ITGA4: variants seen among roughly 807,000 people sequenced by gnomAD.
The protein encoded by ITGA4 is integrin subunit alpha 4, also known as integrin alpha-4.
Under a neutral mutation model 133.6 loss-of-function variants are expected in ITGA4, and 63 were observed. The ratio of observed to expected loss-of-function variants is 0.47; its 90% confidence interval spans 0.38 to 0.58. ITGA4 has a LOEUF of 0.58. Among genes scored for constraint, ITGA4 ranks in the 20% least tolerant of loss-of-function variants. The pLI is 0.00. For missense variants in ITGA4, 1,076 were observed against 1,252.7 expected (o/e 0.86, Z 2.13); for synonymous variants, 483 against 438.0 (o/e 1.10, Z -1.28).
intron 21 of ITGA4, among the ~76,000 whole-genome samples, chr2:181,526,886 C>T (rs916297174): frequency 1.6e-5 from 2 of 122,256 alleles, no homozygotes; most frequent in Non-Finnish European, 3.2e-5. Context: ...TGCTGGAGGG[C>T]AGCGGTGTGA....
Position 181,495,374 on chromosome 2 carries a change from T to C in ITGA4, c.1343T>C (p.Val448Ala). 2 of 1,609,136 alleles carry C rather than the reference T, an allele frequency of 1.2e-6. No individual in the cohort carries two copies. The highest frequency in any genetic ancestry group is 1.7e-6 in the Non-Finnish European group (2 of 1,175,564). The change falls in exon 13 of 28, where the codon GTA becomes GCA. Residue 448 changes from valine (V) to alanine (A), a missense_variant. Val to Ala is a moderately conservative substitution (Grantham distance 64). Coordinates refer to ENST00000397033, the MANE Select transcript of ITGA4 (RefSeq NM_000885.6). This position sits in a 1 kb window ranked among gnomAD's most constrained non-coding sequence, Gnocchi z 4.3. ...IDADNNGYVD[V>A]AVGAFRSDSA... ...TGTGTTGTTTTTTATCCTCCAGATG[T>C]AGCAGTTGGTGCTTTTCGGTCTGAT...
intron 4 of ITGA4, among the ~76,000 whole-genome samples, chr2:181,476,452 T>C (rs1044280310): frequency 6.6e-6 from 1 of 152,162 alleles, no homozygotes; most frequent in Non-Finnish European, 1.5e-5. Flanking sequence ...ACCAATTTAT[T>C]GAAGTTTTCT....
At chr2:181,514,279 A>G (rs1393287943) in intron 17 of ITGA4, among the ~76,000 whole-genome samples, 1 of 152,104 alleles carries the variant, frequency 6.6e-6, no homozygotes, top group East Asian at 1.9e-4. Context: ...GATTAAGGAC[A>G]GGGAGTCAAC....
chr2:181,461,823 C>T (rs1189579542), intron 2 of ITGA4, among the ~76,000 whole-genome samples: 1 of 152,010 alleles, frequency 6.6e-6, no homozygotes, highest in African/African-American at 2.4e-5. Context: ...ATCCACTAAC[C>T]ACAGGTGGCT....
At chr2:181,458,910 A>C (rs772772185) in intron 2 of ITGA4, 1 of 152,354 alleles carries the variant, frequency 6.6e-6, no homozygotes, top group Non-Finnish European at 1.5e-5. Flanking sequence ...ATATGGGTCC[A>C]TCTTTTTGCA....
At chr2:181,483,521 G>A (rs1685850795) in intron 9 of ITGA4, among the ~76,000 whole-genome samples, 1 of 152,132 alleles carries the variant, frequency 6.6e-6, no homozygotes, top group African/African-American at 2.4e-5. Flanking sequence ...TGGTTTCAGA[G>A]CATTTAGCAA....
At chr2:181,483,253 G>A (rs1685844763) in intron 9 of ITGA4, among the ~76,000 whole-genome samples, 1 of 152,120 alleles carries the variant, frequency 6.6e-6, no homozygotes, top group Non-Finnish European at 1.5e-5. Context: ...AATTATTAGT[G>A]ATAATTTGTG....
chr2:181,530,546 T>A lies in ITGA4; in HGVS notation c.2561T>A (p.Phe854Tyr), dbSNP rs1453481812. Residue 854 changes from phenylalanine to tyrosine, a missense_variant, in exon 24 of 28, where the codon TTT (phenylalanine) becomes TAT (tyrosine). By Grantham distance (22) the Phe-to-Tyr change is conservative. This residue lies in a region of ITGA4 where 365 missense variants were observed against 421.4 expected (regional missense o/e 0.87). Transcript: ENST00000397033. The stretch of plus-strand genomic sequence containing the variant: ...TAGACTACTACTGGAGAATGCCACT[T>A]TGAAAATTATCAAAGAGTGTGTGCA... Reference protein sequence around the residue: ...DVQTTTGECHFENYQRVCALE... With the variant: ...DVQTTTGECHYENYQRVCALE... 6.2e-7 allele frequency: 1 copy of A among 1,613,122 alleles called. No individual in the cohort carries two copies. The highest frequency in any genetic ancestry group is 2.2e-5 in the East Asian group (1 of 44,802).
At position 181,537,329 on chromosome 2, in the gene ITGA4, A is replaced by ATGGTTGTCCAACACAG. The variant is rs762778734; in HGVS notation, c.*1803_*1818dup. 12 of 453,696 alleles carry ATGGTTGTCCAACACAG rather than the reference A, an allele frequency of 2.6e-5. No individual in the cohort carries two copies. Among genetic ancestry groups the ATGGTTGTCCAACACAG allele is most frequent in the Non-Finnish European group, 4.9e-5 (11 of 226,716 alleles). 28.1% of individuals were successfully genotyped at this position (453,696 alleles called of 1,614,324 possible). On this transcript the variant is annotated 3_prime_UTR_variant, in exon 28 of 28. Coordinates refer to ENST00000397033, the MANE Select transcript of ITGA4 (RefSeq NM_000885.6). Reference sequence around the variant, plus strand: ...CTGAGCACAGTGAAAGCAGAGTACTATGGTTGTCCAACACAGGCCTCTCAG... The same window carrying ATGGTTGTCCAACACAG: ...CTGAGCACAGTGAAAGCAGAGTACTATGGTTGTCCAACACAGTGGTTGTCCAACACAGGCCTCTCAG...
Position 181,537,302 on chromosome 2 carries a change from A to ATATATATT in ITGA4, c.*1776_*1777insATATATTT. 2.2e-6 allele frequency: 1 copy of ATATATATT among 453,778 alleles called. No individual in the cohort carries two copies. The highest frequency in any genetic ancestry group is 4.4e-6 in the Non-Finnish European group (1 of 226,594). 28.1% of individuals were successfully genotyped at this position (453,778 alleles called of 1,614,324 possible). A position where few individuals can be genotyped will look rare whatever the true frequency, so the allele number is the denominator to read the frequency against. On this transcript the variant is annotated 3_prime_UTR_variant, in exon 28 of 28. Transcript: ENST00000397033. ...CAGAAACAACTATATATTTCAGGTTATCTGAGCACAGTGAAAGCAGAGTAC... is the reference window on the plus strand; with the variant it reads ...CAGAAACAACTATATATTTCAGGTTATATATATTTCTGAGCACAGTGAAAGCAGAGTAC...
chr2:181,534,133 G>T, intron 25 of ITGA4, 139 bp from the exon 26 acceptor site: 1 of 588,472 alleles, frequency 1.7e-6, no homozygotes, highest in Middle Eastern at 4.6e-4. Context: ...ACCAAAGGAG[G>T]CACTGCAGTT....
intron 4 of ITGA4, among the ~76,000 whole-genome samples, chr2:181,477,993 T>C (rs938230545): frequency 1.2e-4 from 19 of 152,120 alleles, no homozygotes; most frequent in African/African-American, 4.3e-4. Flanking sequence ...GTGAGGTGTA[T>C]ATATACACAC....
intron 7 of ITGA4, 112 bp from the exon 8 acceptor site, chr2:181,482,248 T>A: frequency 9.4e-7 from 1 of 1,065,568 alleles, no homozygotes; most frequent in African/African-American, 1.6e-5. Context: ...ATTTTTATAT[T>A]TGAGCAATTA....
intron 5 of ITGA4, chr2:181,479,153 T>C (rs1685746220): frequency 5.8e-6 from 1 of 172,808 alleles, no homozygotes; most frequent in Non-Finnish European, 1.2e-5. Flanking sequence ...CCCAAGTATG[T>C]TATTTTAAAT....
At chr2:181,521,057 T>G (rs1055399616) in intron 17 of ITGA4, among the ~76,000 whole-genome samples, 124 of 146,800 alleles carry the variant, frequency 8.4e-4, no homozygotes, top group African/African-American at 3.3e-3. Flanking sequence ...ATTTAAACAT[T>G]ATTGAAGAAA....
intron 2 of ITGA4, among the ~76,000 whole-genome samples, chr2:181,471,370 C>A (rs1685546368): frequency 6.6e-6 from 1 of 152,042 alleles, no homozygotes; most frequent in Admixed American, 6.6e-5. Flanking sequence ...ATTTACTAAG[C>A]CTTGGAAATA....
chr2:181,535,056 C>T, intron 27 of ITGA4, 121 bp downstream of exon 27: 1 of 1,103,754 alleles, frequency 9.1e-7, no homozygotes, highest in Non-Finnish European at 1.2e-6. Context: ...TTTTATGTTG[C>T]TCAGTACTGA....
rs149385158 is a variant in ITGA4 at position 181,465,439 on chromosome 2, T to G, written c.319+7122T>G. Among the ~76,000 whole-genome samples the G allele has an allele frequency of 2.0e-4, 30 of 152,202 alleles. No individual in the cohort carries two copies. The East Asian group carries it at 5.6e-3, about 28-fold the overall frequency. ...TTTTTTTCTTTTTCTTTTTCAACCA[T>G]CCTACCCTGTGGATTCCAAAACCAA... is the stretch of plus-strand genomic sequence containing the variant. On this transcript the variant is annotated intron_variant, in intron 2 of 27. Transcript: ENST00000397033.
chr2:181,498,604 A>C lies in ITGA4; in HGVS notation c.1541-19A>C. ...TATTTCAGTAATTAGATTAATTGCA[A>C]TTCTCTATATTTTTGCAGTTTTGTT... On this transcript the variant is annotated intron_variant, in intron 14 of 27. Transcript: ENST00000397033. 1.3e-6 allele frequency: 2 copies of C among 1,514,172 alleles called. No individual in the cohort carries two copies. The highest frequency in any genetic ancestry group is 1.8e-6 in the Non-Finnish European group (2 of 1,098,440). The allele number at this position is 1,514,172 out of a possible 1,614,324, so 93.8% of individuals were successfully genotyped here.
Sources: gnomAD v4.1 joint callset for allele counts (sites outside exome capture counted in the v4.1 genomes callset) on GRCh38, gnomAD v4.1.1 for gene constraint, gnomAD v4.1.1 regional missense constraint, Gnocchi (gnomAD v3.1) non-coding constraint, MANE v1.5 for transcripts, NCBI Gene and HGNC (gene_info 2026-07-23, HGNC 2026-07-21) for gene names.